UNC79: variants seen among roughly 807,000 people sequenced by gnomAD.
The protein encoded by UNC79 is unc-79 subunit of NALCN channel complex.
A neutral mutation model predicts 283.1 loss-of-function variants in UNC79; 37 were observed. The ratio of observed to expected loss-of-function variants is 0.13; its 90% CI spans 0.10 to 0.17. UNC79 has a LOEUF of 0.17. UNC79 is among the 10% of genes least tolerant of loss of function. The pLI, the probability that UNC79 is intolerant of heterozygous loss-of-function variation, is 1.00. For missense variants in UNC79, 2,272 were observed against 3,211.1 expected (o/e 0.71, Z 7.07); for synonymous variants, 1,107 against 1,200.2 (o/e 0.92, Z 1.61).
At chr14:93,489,322 A>G (rs1394144793) in intron 5 of UNC79, among the ~76,000 whole-genome samples, 1 of 152,182 alleles carries the variant, frequency 6.6e-6, no homozygotes, top group East Asian at 1.9e-4. Context: ...TCATATGCAA[A>G]ACATTCATTC....
rs1417107265 is a variant in UNC79, at chr14:93,643,454, G to C, written c.5904-103G>C. 5.8e-6 allele frequency: 9 copies of C among 1,561,314 alleles called. No individual in the cohort carries two copies. In the East Asian group the frequency reaches 2.0e-4, roughly 35 times the overall value. On this transcript the variant is annotated intron_variant, in intron 33 of 48. Coordinates refer to ENST00000555664, the Ensembl canonical transcript of UNC79. The stretch of plus-strand genomic sequence containing the variant: ...GTGGGGCTCCTGATCTCCTTTTGGA[G>C]ACTTTTCCAAGACCTACTAAAAACA...
chr14:93,600,712 G>T (rs777664852), exon 25 of UNC79: 4 of 1,613,652 alleles, frequency 2.5e-6, no homozygotes, highest in Non-Finnish European at 3.4e-6. Context: ...GATTTGAGAC[G>T]CTTTCTTTGG....
intron 1 of UNC79, among the ~76,000 whole-genome samples, chr14:93,452,471 C>T (rs2056674710): frequency 1.3e-5 from 2 of 150,964 alleles, no homozygotes; most frequent in African/African-American, 4.9e-5. Context: ...TCACAGCAAC[C>T]TCCGCCTCCC....
rs546766331 is a variant in UNC79 at position 93,520,300 on chromosome 14, T to C, written c.899-3678T>C. On this transcript the variant is annotated intron_variant, in intron 7 of 48. Transcript: ENST00000555664. Reference sequence around the variant, plus strand: ...CTTATCTTTGTTCCCCTGTAAGTAATGTGTCTTTTTTTCCCTCCTGGCTAT... The same window carrying C: ...CTTATCTTTGTTCCCCTGTAAGTAACGTGTCTTTTTTTCCCTCCTGGCTAT... 3.3e-4 allele frequency among the ~76,000 whole-genome samples: 50 copies of C among 152,080 alleles called. No homozygotes were observed. The Middle Eastern group carries it at 0.017, about 52-fold the overall frequency.
upstream of UNC79, among the ~76,000 whole-genome samples, chr14:93,426,565 G>T (rs189210825): frequency 1.3e-5 from 2 of 149,714 alleles, no homozygotes; most frequent in African/African-American, 5.0e-5. Flanking sequence ...TATTTTTTTC[G>T]ATCTGTTTTT....
At chr14:93,351,270 A>G (rs2053975499) in intron 1 of UNC79, among the ~76,000 whole-genome samples, 1 of 152,208 alleles carries the variant, frequency 6.6e-6, no homozygotes, top group Admixed American at 6.5e-5. Flanking sequence ...AAAATTTAAA[A>G]GGGCTAAGGT....
chr14:93,465,241 C>CAT (rs2057125197), intron 1 of UNC79, among the ~76,000 whole-genome samples: 1 of 152,050 alleles, frequency 6.6e-6, no homozygotes, highest in Admixed American at 6.5e-5. Context: ...GTATAGTGTA[C>CAT]ATATATATGC....
rs528668223 is a variant in UNC79 at position 93,452,226 on chromosome 14, G to A, written c.23-15445G>A. Among the ~76,000 whole-genome samples the A allele has an allele frequency of 1.1e-4, 16 of 151,904 alleles. No individual in the cohort carries two copies. In the South Asian group the frequency reaches 2.5e-3, roughly 24 times the overall value. On this transcript the variant is annotated intron_variant, in intron 1 of 48. Coordinates refer to ENST00000555664, the Ensembl canonical transcript of UNC79. ...TTTAAAAAGTATTTACTGTCTTTTC[G>A]TTCTTTTTTCACACTTTCTTATATG... is the stretch of plus-strand genomic sequence containing the variant.
chr14:93,347,148 G>A, intron 1 of UNC79: 2 of 1,196,454 alleles, frequency 1.7e-6, no homozygotes, highest in Middle Eastern at 4.1e-4. Context: ...CGAGGGCAGA[G>A]CGCCCCCTCG....
chr14:93,333,719 G>A (rs755540864), intron 1 of UNC79, among the ~76,000 whole-genome samples: 2 of 152,182 alleles, frequency 1.3e-5, no homozygotes, highest in Non-Finnish European at 2.9e-5. Flanking sequence ...CTTGTTTGGG[G>A]GTTTGCAATA....
chr14:93,637,473 G>A, intron 32 of UNC79, 174 bp downstream of exon 35: 3 of 1,144,378 alleles, frequency 2.6e-6, no homozygotes. Context: ...TTTGAACATG[G>A]CCAACAGTTC....
rs368240059 is a variant in UNC79, at chr14:93,363,043, A to C, written c.-351+29520A>C. ...TTCCTTTTGTTTTTCTAGTTCCTCT[A>C]AGTGTGATGTTGGGTTGTTAATATG... On this transcript the variant is annotated intron_variant, in intron 1 of 49. Coordinates refer to the UNC79 transcript ENST00000256339. 2.4e-4 allele frequency among the ~76,000 whole-genome samples: 37 copies of C among 151,952 alleles called. No homozygotes were observed. In the East Asian group the frequency reaches 5.6e-3, roughly 23 times the overall value.
intron 31 of UNC79, among the ~76,000 whole-genome samples, chr14:93,633,983 G>T (rs533643967): frequency 6.6e-6 from 1 of 152,168 alleles, no homozygotes; most frequent in East Asian, 1.9e-4. Context: ...GTTGCTGACT[G>T]GTTCCAAGTC....
chr14:93,622,701 G>A, exon 30 of UNC79: 1 of 1,614,180 alleles, frequency 6.2e-7, no homozygotes, highest in South Asian at 1.1e-5. Context: ...GAAGAGGATG[G>A]AGCTGAGGAA....
At chr14:93,630,996 A>G in intron 31 of UNC79, 88 bp downstream of exon 33, 1 of 1,190,556 alleles carries the variant, frequency 8.4e-7, no homozygotes, top group South Asian at 1.3e-5. Context: ...CAATCTTGGT[A>G]TTGTATATAT....
At chr14:93,358,643 G>T (rs1345841588) in intron 1 of UNC79, among the ~76,000 whole-genome samples, 3 of 152,198 alleles carry the variant, frequency 2.0e-5, no homozygotes, top group African/African-American at 7.2e-5. Flanking sequence ...TGGAGACACT[G>T]AGCTTGTAAA....
intron 29 of UNC79, among the ~76,000 whole-genome samples, chr14:93,618,683 T>G (rs575896986): frequency 6.6e-6 from 1 of 152,364 alleles, no homozygotes; most frequent in Non-Finnish European, 1.5e-5. Flanking sequence ...AAGTCTTGGT[T>G]GGCACACAGT....
intron 41 of UNC79, among the ~76,000 whole-genome samples, chr14:93,681,871 T>G (rs1363148146): frequency 6.6e-6 from 1 of 152,222 alleles, no homozygotes; most frequent in Non-Finnish European, 1.5e-5. Flanking sequence ...GCAAATCCAT[T>G]CTTGTAATGA....
intron 1 of UNC79, among the ~76,000 whole-genome samples, chr14:93,373,290 A>G (rs2054491221): frequency 6.6e-6 from 1 of 152,172 alleles, no homozygotes; most frequent in South Asian, 2.1e-4. Flanking sequence ...ACAAATAATA[A>G]TGATTAGAGC....
Sources: allele counts gnomAD v4.1 joint callset (sites outside exome capture counted in the v4.1 genomes callset), GRCh38; gene constraint gnomAD v4.1.1; transcripts MANE v1.5; gene names NCBI Gene and HGNC (gene_info 2026-07-23, HGNC 2026-07-21).